Variants in DNAJC10 observed in about 807,000 individuals in gnomAD.
DNAJC10 encodes the protein endoplasmic reticulum disulfide reductase DNAJC10.
DNAJC10 carries 101 observed loss-of-function variants against 115.0 expected under a neutral mutation model. That is an observed-to-expected ratio of 0.88 (90% confidence interval 0.75 to 1.04). The LOEUF (loss-of-function observed/expected upper bound fraction) is 1.04. Ranked by LOEUF, DNAJC10 falls within the 50% of genes least tolerant of loss-of-function variation. The pLI is 0.00. For missense variants in DNAJC10, 981 were observed against 928.8 expected, an observed-to-expected ratio of 1.06 and a Z score of -0.73; for synonymous variants, 307 against 301.5, an observed-to-expected ratio of 1.02 and a Z score of -0.19.
At chr2:182,735,755 C>G (rs1156921689) in intron 10 of DNAJC10, among the ~76,000 whole-genome samples, 1 of 152,026 alleles carries the variant, frequency 6.6e-6, no homozygotes, top group Admixed American at 6.6e-5. Context: ...ATTTTTGGAG[C>G]TCACTAAAGG....
chr2:182,763,710 C>T (rs748490651), intron 22 of DNAJC10, among the ~76,000 whole-genome samples: 5 of 152,130 alleles, frequency 3.3e-5, no homozygotes, highest in East Asian at 1.9e-4. Context: ...TCAAATGCCA[C>T]GTACATAAGG....
intron 14 of DNAJC10, among the ~76,000 whole-genome samples, chr2:182,745,409 C>T (rs992451785): frequency 1.3e-5 from 2 of 152,200 alleles, no homozygotes; most frequent in East Asian, 1.9e-4. Context: ...CCTTCCTGTT[C>T]CACAGAATAT....
intron 21 of DNAJC10, among the ~76,000 whole-genome samples, 185 bp from the exon 22 acceptor site, chr2:182,762,497 G>T (rs1694310641): frequency 6.6e-6 from 1 of 152,134 alleles, no homozygotes; most frequent in Non-Finnish European, 1.5e-5. Context: ...TTTGCTGTTG[G>T]AGAGGTGGTG....
chr2:182,791,205 G>A lies in DNAJC10; in HGVS notation c.*14073G>A. On this transcript the variant is annotated 3_prime_UTR_variant, in exon 24 of 24. Transcript: ENST00000264065. The stretch of plus-strand genomic sequence containing the variant: ...TCCAAGCAGTAATTCTCCAATTAAA[G>A]TAACTCTAGAGCTTAGTTTTCAGTC... 6.6e-6 allele frequency: 1 copy of A among 152,066 alleles called. No individual in the cohort carries two copies. The allele number at this position is 152,066 out of a possible 1,614,324, so 9.4% of individuals were successfully genotyped here.
chr2:182,759,506 CTATCTTGG>C (rs1694239494), intron 21 of DNAJC10, among the ~76,000 whole-genome samples, 199 bp downstream of exon 21: 1 of 152,062 alleles, frequency 6.6e-6, no homozygotes, highest in Admixed American at 6.6e-5. Context: ...AACATCTTCT[CTATCTTGG>C]TAGACATCAT....
At position 182,775,297 on chromosome 2, in the gene DNAJC10, C is replaced by G; in HGVS notation, c.2266-19C>G. The stretch of plus-strand genomic sequence containing the variant: ...TTTTTATTAAATACTTAAAAGATAA[C>G]AAGTGTTTTTAATTTTAGAGAAATT... On this transcript the variant is annotated intron_variant, in intron 22 of 23. Coordinates refer to ENST00000264065, the MANE Select transcript of DNAJC10 (RefSeq NM_018981.4). 3.5e-6 allele frequency: 5 copies of G among 1,425,932 alleles called. No homozygotes were observed. Among genetic ancestry groups the G allele is most frequent in the Non-Finnish European group, 4.9e-6 (5 of 1,014,880 alleles). The allele number at this position is 1,425,932 out of a possible 1,614,324, so 88.3% of individuals were successfully genotyped here.
chr2:182,740,730 T>TATCC (rs151047241), intron 12 of DNAJC10, among the ~76,000 whole-genome samples: 2 of 152,268 alleles, frequency 1.3e-5, no homozygotes, highest in East Asian at 3.9e-4. Flanking sequence ...TAAGAAGAAG[T>TATCC]ATTCAGTTTA....
chr2:182,782,391 CTA>C lies in DNAJC10; in HGVS notation c.*5263_*5264del, dbSNP rs1694867326. 1.3e-5 allele frequency: 2 copies of C among 151,086 alleles called. No individual in the cohort carries two copies. The highest frequency in any genetic ancestry group is 4.9e-5 in the African/African-American group (2 of 41,180). 9.4% of individuals were successfully genotyped at this position (151,086 alleles called of 1,614,324 possible). A position where few individuals can be genotyped will look rare whatever the true frequency, so the allele number is the denominator to read the frequency against. ...TTCTTTTTGCTTAGGATTGCCTTGG[CTA>C]TATGGGCTCTTTTTTTTTTGGTTCC... On this transcript the variant is annotated 3_prime_UTR_variant, in exon 24 of 24. Transcript: ENST00000264065.
In DNAJC10 at chr2:182,786,431, T is replaced by G. The variant is rs1574968519; in HGVS notation, c.*9299T>G. The G allele has an allele frequency of 6.6e-6, 1 of 152,204 alleles. No individual in the cohort carries two copies. Among genetic ancestry groups the G allele is most frequent in the East Asian group, 1.9e-4 (1 of 5,192 alleles). 9.4% of individuals were successfully genotyped at this position (152,204 alleles called of 1,614,324 possible). The stretch of plus-strand genomic sequence containing the variant: ...AATCCTGTTCCCTTCACTGAGGTCA[T>G]AATACTGAATTCTGAAATGGAAATA... On this transcript the variant is annotated 3_prime_UTR_variant, in exon 24 of 24. Coordinates refer to ENST00000264065, the MANE Select transcript of DNAJC10 (RefSeq NM_018981.4).
intron 21 of DNAJC10, among the ~76,000 whole-genome samples, chr2:182,761,146 G>C (rs1252825005): frequency 6.6e-6 from 1 of 152,070 alleles, no homozygotes; most frequent in Non-Finnish European, 1.5e-5. Context: ...TTTTAATCTA[G>C]TGGAAAGAGA....
chr2:182,777,818 C>T lies in DNAJC10; in HGVS notation c.*686C>T, dbSNP rs1359355190. The T allele has an allele frequency of 1.3e-5, 2 of 152,042 alleles. No individual in the cohort carries two copies. Among genetic ancestry groups the T allele is most frequent in the African/African-American group, 2.4e-5 (1 of 41,392 alleles). The allele number at this position is 152,042 out of a possible 1,614,324, so 9.4% of individuals were successfully genotyped here. ...AAAAAATGCTTTTAATTTTTCACAG[C>T]CGAGAAACAGTGCAGCAGTATATGT... On this transcript the variant is annotated 3_prime_UTR_variant, in exon 24 of 24. Coordinates refer to ENST00000264065, the MANE Select transcript of DNAJC10 (RefSeq NM_018981.4).
intron 18 of DNAJC10, 28 bp downstream of exon 18, chr2:182,756,497 C>A (rs749164241): frequency 3.2e-6 from 5 of 1,581,588 alleles, no homozygotes; most frequent in South Asian, 1.2e-5. Context: ...TATTTTAAAT[C>A]TTAACATTTA....
At chr2:182,729,629 G>A (rs572974764) in intron 7 of DNAJC10, among the ~76,000 whole-genome samples, 2 of 80,256 alleles carry the variant, frequency 2.5e-5, no homozygotes, top group African/African-American at 1.4e-4. Context: ...TTCCAGTGAG[G>A]AACCTGAACG....
At chr2:182,741,396 C>G in intron 13 of DNAJC10, 40 bp downstream of exon 13, 2 of 1,041,466 alleles carry the variant, frequency 1.9e-6, no homozygotes, top group Non-Finnish European at 2.8e-6. Flanking sequence ...TGCTGGTGTA[C>G]TTTGTTGTTA....
chr2:182,770,152 C>A (rs189542562), intron 22 of DNAJC10, among the ~76,000 whole-genome samples: 66 of 152,258 alleles, frequency 4.3e-4, no homozygotes, highest in African/African-American at 1.5e-3. Context: ...TCTGAGGGCT[C>A]TGTTCTGTTC....
intron 21 of DNAJC10, among the ~76,000 whole-genome samples, chr2:182,761,591 T>C (rs1694286217): frequency 6.6e-6 from 1 of 151,940 alleles, no homozygotes; most frequent in Non-Finnish European, 1.5e-5. Context: ...TAAGAATAAA[T>C]AGGATTGAAT....
rs561148841 is a variant in DNAJC10 at position 182,770,663 on chromosome 2, C to G, written c.2266-4653C>G. ...GATTTTTGCACATTGATTTTGTATCCTGAGACTTTGCTGAAGTTCCTTATC... is the reference window on the plus strand; with the variant it reads ...GATTTTTGCACATTGATTTTGTATCGTGAGACTTTGCTGAAGTTCCTTATC... On this transcript the variant is annotated intron_variant, in intron 22 of 23. Coordinates refer to ENST00000264065, the MANE Select transcript of DNAJC10 (RefSeq NM_018981.4). Among the ~76,000 whole-genome samples, 32 of 152,252 alleles carry G rather than the reference C, an allele frequency of 2.1e-4. No individual in the cohort carries two copies. In the South Asian group the frequency reaches 6.2e-3, roughly 30 times the overall value.
At position 182,757,824 on chromosome 2, in the gene DNAJC10, C is replaced by A; in HGVS notation, c.1942C>A (p.His648Asn). Residue 648 changes from histidine to asparagine, a missense_variant and splice_region_variant, in exon 19 of 24, where the codon CAC becomes AAC. Physicochemically the swap from His to Asn is moderately conservative, Grantham distance 68. Transcript: ENST00000264065. The part of the protein sequence containing the change: ...PPKSNKAYHY[H>N]SYNGWNRDAY... The stretch of plus-strand genomic sequence containing the variant: ...AAAATCAAATAAAGCTTATCATTAT[C>A]AGTAAGTATTCTCTCATATTTGAAG... 1 of 1,422,914 alleles carries A rather than the reference C, an allele frequency of 7.0e-7. No homozygotes were observed. The highest frequency in any genetic ancestry group is 9.8e-7 in the Non-Finnish European group (1 of 1,022,044). 88.1% of individuals were successfully genotyped at this position (1,422,914 alleles called of 1,614,324 possible). A position where few individuals can be genotyped will look rare whatever the true frequency, so the allele number is the denominator to read the frequency against.
chr2:182,773,878 G>C lies in DNAJC10; in HGVS notation c.2266-1438G>C, dbSNP rs971732015. Among the ~76,000 whole-genome samples, 2 of 152,180 alleles carry C rather than the reference G, an allele frequency of 1.3e-5. 1 individual carries two copies. Among genetic ancestry groups the C allele is most frequent in the South Asian group, 4.1e-4 (2 of 4,832 alleles). On this transcript the variant is annotated intron_variant, in intron 22 of 23. Transcript: ENST00000264065. ...CGTCCAGCTTTGTTCCATTGCTGGC[G>C]AGGAGCTGCAATCCTTTGGAGGAGA...
Sources: allele counts gnomAD v4.1 joint callset (sites outside exome capture counted in the v4.1 genomes callset), GRCh38; gene constraint gnomAD v4.1.1; transcripts MANE v1.5; gene names NCBI Gene and HGNC (gene_info 2026-07-23, HGNC 2026-07-21).